MYO5B: variants seen among roughly 807,000 people sequenced by gnomAD.
The protein encoded by MYO5B is unconventional myosin-Vb.
MYO5B carries 143 observed loss-of-function variants against 229.3 expected under a neutral mutation model. That is an observed-to-expected ratio of 0.62 (90% confidence interval 0.54 to 0.72). MYO5B has a LOEUF of 0.72. Ranked by LOEUF, MYO5B falls within the 30% of genes least tolerant of loss-of-function variation. The probability of loss-of-function intolerance (pLI) is 0.00; values close to 1 mark genes in which losing one functional copy is unlikely to be tolerated. For synonymous variants in MYO5B, 918 were observed against 885.2 expected (o/e 1.04, Z -0.66); for missense variants, 2,321 against 2,331.0 (o/e 1.00, Z 0.09).
chr18:50,178,814 C>T (rs1212047389), intron 1 of MYO5B, among the ~76,000 whole-genome samples: 2 of 152,190 alleles, frequency 1.3e-5, no homozygotes. Context: ...ACTCTCTCCA[C>T]GGCTAGTGTT....
At chr18:50,165,169 G>C (rs12185319) in intron 1 of MYO5B, among the ~76,000 whole-genome samples, 1 of 152,192 alleles carries the variant, frequency 6.6e-6, no homozygotes, top group Admixed American at 6.5e-5. Context: ...GAATGCCACT[G>C]ATTAACACTT....
chr18:50,066,510 G>A (rs1227962518), intron 1 of MYO5B, among the ~76,000 whole-genome samples: 1 of 152,170 alleles, frequency 6.6e-6, no homozygotes, highest in Non-Finnish European at 1.5e-5. Flanking sequence ...GAGCTAATTT[G>A]TTGTTTCAGA....
intron 1 of MYO5B, among the ~76,000 whole-genome samples, chr18:50,092,696 T>C (rs2031472916): frequency 1.3e-5 from 2 of 152,034 alleles, no homozygotes; most frequent in Non-Finnish European, 2.9e-5. Flanking sequence ...GCTGCAATCA[T>C]GAATGAATGC....
chr18:50,077,142 C>T (rs16951455), intron 1 of MYO5B, among the ~76,000 whole-genome samples: 13,192 of 114,790 alleles, frequency 0.11, 1,153 homozygotes, highest in African/African-American at 0.27. Context: ...GGTGTTTTTG[C>T]TTAGGGTTAA....
Position 49,877,780 on chromosome 18 carries a change from C to T in MYO5B, c.3379G>A (p.Ala1127Thr). 1 of 1,614,116 alleles carries T rather than the reference C, an allele frequency of 6.2e-7. No homozygotes were observed. Among genetic ancestry groups the T allele is most frequent in the Non-Finnish European group, 8.5e-7 (1 of 1,179,966 alleles). ...TCACTCACCTCCACCTGCTGGAGGG[C>T]ATCCTCAGTGTCTCCGATCTCAGAT... ...STSEIGDTED[A>T]LQQVEEIGLE... The change falls in exon 25 of 40, where the codon GCC (alanine) becomes ACC (threonine). Residue 1127 changes from alanine (A) to threonine (T), a missense_variant. Physicochemically the swap from Ala to Thr is moderately conservative, Grantham distance 58. This residue lies in a region of MYO5B where 2,113 missense variants were observed against 2,044.7 expected (regional missense o/e 1.03). Transcript: ENST00000285039.
intron 17 of MYO5B, among the ~76,000 whole-genome samples, chr18:49,922,500 G>A (rs1364612674): frequency 2.0e-5 from 3 of 152,174 alleles, no homozygotes; most frequent in Non-Finnish European, 2.9e-5. Flanking sequence ...ATTAAATGGT[G>A]AGGATGATTC....
intron 29 of MYO5B, among the ~76,000 whole-genome samples, chr18:49,861,298 G>C (rs1232480494): frequency 6.6e-6 from 1 of 152,150 alleles, no homozygotes; most frequent in Non-Finnish European, 1.5e-5. Flanking sequence ...AGCAGCCCCT[G>C]GGAAAACCTA....
At chr18:50,020,594 CA>C (rs1307878478) in intron 4 of MYO5B, among the ~76,000 whole-genome samples, 4 of 152,310 alleles carry the variant, frequency 2.6e-5, no homozygotes, top group Non-Finnish European at 4.4e-5. Flanking sequence ...CATTTACCTA[CA>C]ATGACCACAA....
At chr18:50,010,228 T>C (rs1423596200) in intron 4 of MYO5B, among the ~76,000 whole-genome samples, 1 of 152,242 alleles carries the variant, frequency 6.6e-6, no homozygotes, top group Non-Finnish European at 1.5e-5. Flanking sequence ...CAGTGGCCCT[T>C]GGAGTGCTAA....
chr18:50,121,698 C>T (rs1016396202), intron 1 of MYO5B, among the ~76,000 whole-genome samples: 1 of 152,188 alleles, frequency 6.6e-6, no homozygotes, highest in Admixed American at 6.5e-5. Flanking sequence ...TAAATGGTCA[C>T]AGGGACAAGA....
At chr18:50,158,141 T>C (rs2032710891) in intron 1 of MYO5B, among the ~76,000 whole-genome samples, 1 of 152,108 alleles carries the variant, frequency 6.6e-6, no homozygotes, top group South Asian at 2.1e-4. Context: ...ATCCAGCAAA[T>C]AATGAGTTTG....
At chr18:50,071,410 C>T (rs992211047) in intron 1 of MYO5B, among the ~76,000 whole-genome samples, 1 of 152,202 alleles carries the variant, frequency 6.6e-6, no homozygotes, top group Admixed American at 6.5e-5. Context: ...GCATACAGGA[C>T]AGGGCCTGCA....
At chr18:50,113,825 T>C (rs774071099) in intron 1 of MYO5B, among the ~76,000 whole-genome samples, 3 of 152,202 alleles carry the variant, frequency 2.0e-5, no homozygotes, top group African/African-American at 7.2e-5. Flanking sequence ...CATCCAGGCA[T>C]CTCAAATGCT....
intron 4 of MYO5B, among the ~76,000 whole-genome samples, chr18:50,015,020 G>C (rs2026201831): frequency 1.3e-5 from 2 of 152,226 alleles, no homozygotes; most frequent in African/African-American, 4.8e-5. Context: ...TGGGGGTCTT[G>C]CTAGATTTCA....
chr18:50,043,365 TA>T (rs2030095046), intron 2 of MYO5B, among the ~76,000 whole-genome samples: 3 of 109,840 alleles, frequency 2.7e-5, no homozygotes, highest in African/African-American at 1.1e-4. Flanking sequence ...ATAAATATAT[TA>T]TATAATATAT....
At chr18:50,003,881 A>T (rs1329335926) in intron 4 of MYO5B, among the ~76,000 whole-genome samples, 1 of 152,216 alleles carries the variant, frequency 6.6e-6, no homozygotes, top group East Asian at 1.9e-4. Flanking sequence ...CAACACACAG[A>T]TGTCAGGAGG....
At chr18:50,127,386 G>A (rs574355352) in intron 1 of MYO5B, among the ~76,000 whole-genome samples, 2 of 152,218 alleles carry the variant, frequency 1.3e-5, no homozygotes, top group African/African-American at 4.8e-5. Context: ...TGGAAAACTG[G>A]GCTAAGAGAA....
chr18:49,969,101 C>T (rs976471787), intron 10 of MYO5B, among the ~76,000 whole-genome samples: 3 of 152,158 alleles, frequency 2.0e-5, no homozygotes, highest in African/African-American at 7.2e-5. Context: ...AACACTGTGG[C>T]TAGCCATGCA....
chr18:50,055,225 G>GGGCCCCCCCCCCCCC, intron 2 of MYO5B, 43 bp downstream of exon 2: 10 of 700,376 alleles, frequency 1.4e-5, no homozygotes, highest in Non-Finnish European at 2.4e-5. Context: ...TGAGCTCCCT[G>GGGCCCCCCCCCCCCC]CCCCACCTCA....
Sources: allele counts gnomAD v4.1 joint callset (sites outside exome capture counted in the v4.1 genomes callset), GRCh38; gene constraint gnomAD v4.1.1; regional missense constraint gnomAD v4.1.1; transcripts MANE v1.5; gene names NCBI Gene and HGNC (gene_info 2026-07-23, HGNC 2026-07-21).